Variants in KPNA3 observed in about 807,000 individuals in gnomAD.
KPNA3 encodes importin subunit alpha-4.
Under a neutral mutation model 73.8 loss-of-function variants are expected in KPNA3, and 13 were observed. The observed-to-expected ratio is 0.18, with a 90% CI of 0.11 to 0.28. The LOEUF is 0.28. Among genes scored for constraint, KPNA3 ranks in the 10% least tolerant of loss-of-function variants. KPNA3 has a pLI of 1.00. For missense variants in KPNA3, 360 were observed against 618.1 expected (o/e 0.58, Z 4.43); for synonymous variants, 186 against 206.9 (o/e 0.90, Z 0.87).
At chr13:49,706,490 C>A (rs1954208653) in intron 12 of KPNA3, 118 bp from the exon 13 acceptor site, 1 of 631,282 alleles carries the variant, frequency 1.6e-6, no homozygotes, top group Non-Finnish European at 2.6e-6. Flanking sequence ...AGAGACTGCA[C>A]CTAAAAAGTG....
chr13:49,747,887 T>A (rs377654459), intron 1 of KPNA3, among the ~76,000 whole-genome samples: 1 of 152,146 alleles, frequency 6.6e-6, no homozygotes, highest in East Asian at 1.9e-4. Flanking sequence ...GGGAATTACA[T>A]CCTTCCCATC....
intron 10 of KPNA3, among the ~76,000 whole-genome samples, chr13:49,711,621 C>T (rs1303695523): frequency 6.6e-6 from 1 of 152,188 alleles, no homozygotes; most frequent in Non-Finnish European, 1.5e-5. Flanking sequence ...CCTATCCTAA[C>T]TTTGCAACTA....
chr13:49,750,538 T>C (rs189472412), intron 1 of KPNA3, among the ~76,000 whole-genome samples: 220 of 151,796 alleles, frequency 1.4e-3, no homozygotes, highest in African/African-American at 4.7e-3. Context: ...GGAGCTGAGA[T>C]GGAGGATTGC....
intron 9 of KPNA3, among the ~76,000 whole-genome samples, chr13:49,721,590 C>T (rs1263488339): frequency 1.1e-4 from 16 of 152,090 alleles, no homozygotes; most frequent in African/African-American, 2.7e-4. Context: ...GAGGCCGAGG[C>T]GGGCAGATCA....
chr13:49,787,424 G>C (rs1176699896), intron 1 of KPNA3, among the ~76,000 whole-genome samples: 1 of 152,154 alleles, frequency 6.6e-6, no homozygotes, highest in Non-Finnish European at 1.5e-5. Context: ...CTAACTTTCA[G>C]GCGTGGTTTG....
intron 1 of KPNA3, among the ~76,000 whole-genome samples, chr13:49,755,562 T>A (rs936602444): frequency 2.0e-5 from 3 of 151,700 alleles, no homozygotes; most frequent in Admixed American, 6.6e-5. Flanking sequence ...TTTGGGAGAC[T>A]GAGGAGGGCG....
intron 1 of KPNA3, among the ~76,000 whole-genome samples, chr13:49,791,855 C>G (rs1157451366): frequency 2.0e-5 from 3 of 152,218 alleles, no homozygotes; most frequent in African/African-American, 7.2e-5. Context: ...ATGGTCCTGG[C>G]GCATCCTACC....
chr13:49,739,645 GTTA>G (rs951408894), intron 2 of KPNA3, among the ~76,000 whole-genome samples: 2 of 152,136 alleles, frequency 1.3e-5, no homozygotes, highest in African/African-American at 4.8e-5. Flanking sequence ...ATCAGTATCT[GTTA>G]TTTGAAGTGT....
chr13:49,746,245 C>T (rs1032812794), intron 2 of KPNA3, among the ~76,000 whole-genome samples: 1 of 152,086 alleles, frequency 6.6e-6, no homozygotes, highest in African/African-American at 2.4e-5. Flanking sequence ...TCCAGGAATT[C>T]AAGGCCAGCC....
intron 2 of KPNA3, 98 bp downstream of exon 2, chr13:49,746,851 A>C (rs888079147): frequency 1.2e-6 from 1 of 809,312 alleles, no homozygotes; most frequent in Non-Finnish European, 2.1e-6. Flanking sequence ...TTTAGGGATG[A>C]CCACTAATTT....
At chr13:49,758,624 T>C (rs1246472046) in intron 1 of KPNA3, among the ~76,000 whole-genome samples, 3 of 152,184 alleles carry the variant, frequency 2.0e-5, no homozygotes, top group African/African-American at 2.4e-5. Flanking sequence ...GGATATATGA[T>C]AGAAGTTGTT....
intron 2 of KPNA3, among the ~76,000 whole-genome samples, chr13:49,739,437 A>G (rs1594444659): frequency 6.6e-6 from 1 of 152,334 alleles, no homozygotes; most frequent in African/African-American, 2.4e-5. Flanking sequence ...TAATTCCTAC[A>G]TAACTCTGTC....
intron 6 of KPNA3, among the ~76,000 whole-genome samples, chr13:49,728,263 T>C (rs1594438861): frequency 6.7e-6 from 1 of 148,286 alleles, no homozygotes; most frequent in Middle Eastern, 3.6e-3. Flanking sequence ...GACAAGTCGA[T>C]GTTGAAGATG....
rs1451801208 is a variant in KPNA3, at chr13:49,705,769, T to A, written c.1224A>T (p.Val408=). The A allele has an allele frequency of 3.1e-6, 5 of 1,609,332 alleles. No individual in the cohort carries two copies. Among genetic ancestry groups the A allele is most frequent in the Middle Eastern group, 1.6e-4 (1 of 6,068 alleles). Residue 408 remains valine, a synonymous_variant, in exon 15 of 17, where the codon GTA becomes GTT. Coordinates refer to ENST00000261667, the MANE Select transcript of KPNA3 (RefSeq NM_002267.4). ...AGAACGGTGGTATTACATTCTGCTG[T>A]ACAAGGTACTCAACCTAGACAACAA... The part of the protein sequence containing the change: ...SGRKDQVEYL[V]QQNVIPPFCN...
intron 10 of KPNA3, 140 bp downstream of exon 10, chr13:49,719,635 A>T: frequency 1.5e-6 from 1 of 676,734 alleles, no homozygotes; most frequent in Non-Finnish European, 2.6e-6. Context: ...AACCTAATTT[A>T]AGCTTAATCC....
intron 1 of KPNA3, among the ~76,000 whole-genome samples, chr13:49,755,745 C>T (rs554617736): frequency 2.6e-5 from 4 of 152,072 alleles, no homozygotes; most frequent in South Asian, 2.1e-4. Flanking sequence ...GAGCCGAGAT[C>T]GTGCCACTGC....
intron 1 of KPNA3, among the ~76,000 whole-genome samples, chr13:49,788,086 A>G (rs1385799512): frequency 6.6e-6 from 1 of 152,266 alleles, no homozygotes; most frequent in Non-Finnish European, 1.5e-5. Flanking sequence ...AAGTTGCCTC[A>G]GCAGTAAATG....
In KPNA3 at chr13:49,701,586, A is replaced by G. The variant is rs955025128; in HGVS notation, c.*214T>C. On this transcript the variant is annotated 3_prime_UTR_variant, in exon 17 of 17. Coordinates refer to ENST00000261667, the MANE Select transcript of KPNA3 (RefSeq NM_002267.4). ...GTTGAGATTGTTAAGGAGAGTTCTA[A>G]AACAGTTTAGGAAATCATGCATATG... The G allele has an allele frequency of 5.8e-5, 39 of 667,392 alleles. No homozygotes were observed. Among genetic ancestry groups the G allele is most frequent in the Admixed American group, 4.3e-4 (21 of 48,648 alleles). 41.3% of individuals were successfully genotyped at this position (667,392 alleles called of 1,614,324 possible).
At chr13:49,755,753 T>C (rs920521275) in intron 1 of KPNA3, among the ~76,000 whole-genome samples, 1 of 152,108 alleles carries the variant, frequency 6.6e-6, no homozygotes, top group African/African-American at 2.4e-5. Context: ...ATCGTGCCAC[T>C]GCACTCCAGC....
Sources: gnomAD v4.1 joint callset for allele counts (sites outside exome capture counted in the v4.1 genomes callset) on GRCh38, gnomAD v4.1.1 for gene constraint, MANE v1.5 for transcripts, NCBI Gene and HGNC (gene_info 2026-07-23, HGNC 2026-07-21) for gene names.